PHKB: variants seen among roughly 807,000 people sequenced by gnomAD.
PHKB encodes phosphorylase b kinase regulatory subunit beta.
Under a neutral mutation model 152.1 loss-of-function variants are expected in PHKB, and 122 were observed. That is an observed-to-expected ratio of 0.80 (90% CI 0.69 to 0.93). PHKB has a LOEUF of 0.93. Among genes scored for constraint, PHKB ranks in the 40% least tolerant of loss-of-function variants. PHKB has a pLI of 0.00. For missense variants in PHKB, 1,304 were observed against 1,328.4 expected, an observed-to-expected ratio of 0.98 and a Z score of 0.29; for synonymous variants, 436 against 464.9, an observed-to-expected ratio of 0.94 and a Z score of 0.80.
At chr16:47,621,494 A>G (rs1200015709) in intron 14 of PHKB, among the ~76,000 whole-genome samples, 2 of 152,202 alleles carry the variant, frequency 1.3e-5, no homozygotes, top group African/African-American at 2.4e-5. Flanking sequence ...ATTTAAGGAA[A>G]TCATGCATGT....
chr16:47,592,373 C>A (rs2151699406), intron 10 of PHKB, among the ~76,000 whole-genome samples: 1 of 152,310 alleles, frequency 6.6e-6, no homozygotes, highest in African/African-American at 2.4e-5. Flanking sequence ...CTGGCCTGGC[C>A]CATCTGTTGG....
At chr16:47,466,802 A>C (rs1210984056) in intron 1 of PHKB, among the ~76,000 whole-genome samples, 3 of 152,168 alleles carry the variant, frequency 2.0e-5, no homozygotes, top group Admixed American at 6.5e-5. Context: ...TCAGTTAACT[A>C]ATCTAACCGT....
At chr16:47,473,039 T>C in intron 1 of PHKB, among the ~76,000 whole-genome samples, 1 of 151,352 alleles carries the variant, frequency 6.6e-6, no homozygotes, top group East Asian at 1.9e-4. Flanking sequence ...TTCTAGGATC[T>C]GTGTTTTTTT....
At chr16:47,461,630 C>CGT (rs1278799335) in intron 1 of PHKB, among the ~76,000 whole-genome samples, 1 of 152,232 alleles carries the variant, frequency 6.6e-6, no homozygotes, top group Non-Finnish European at 1.5e-5. Context: ...CTCCACTCTG[C>CGT]GTGTGCCCCC....
intron 26 of PHKB, among the ~76,000 whole-genome samples, chr16:47,678,761 G>A (rs1213226405): frequency 6.6e-6 from 1 of 151,912 alleles, no homozygotes; most frequent in Non-Finnish European, 1.5e-5. Context: ...CTGTGCAGAA[G>A]CTCTTTAGTT....
chr16:47,605,830 T>A (rs1972313459), intron 13 of PHKB, among the ~76,000 whole-genome samples: 1 of 152,192 alleles, frequency 6.6e-6, no homozygotes, highest in South Asian at 2.1e-4. Flanking sequence ...CTGCTATTAT[T>A]TTCACCTATG....
At chr16:47,541,257 T>C (rs552520102) in intron 6 of PHKB, among the ~76,000 whole-genome samples, 1 of 152,304 alleles carries the variant, frequency 6.6e-6, no homozygotes, top group Admixed American at 6.5e-5. Flanking sequence ...TTTGGTTTTC[T>C]GTCCTTGCAA....
At chr16:47,634,140 A>C (rs1044073008) in intron 14 of PHKB, among the ~76,000 whole-genome samples, 2 of 152,206 alleles carry the variant, frequency 1.3e-5, no homozygotes, top group Non-Finnish European at 2.9e-5. Flanking sequence ...CCTAGGAAAT[A>C]GTTATTTTTA....
chr16:47,697,990 AGGTCGTT>A (rs1974179830), intron 29 of PHKB, among the ~76,000 whole-genome samples: 1 of 152,134 alleles, frequency 6.6e-6, no homozygotes. Flanking sequence ...CCTGGGCTCC[AGGTCGTT>A]TGATCCTGAA....
At chr16:47,548,776 G>A (rs193003664) in intron 7 of PHKB, among the ~76,000 whole-genome samples, 39 of 152,182 alleles carry the variant, frequency 2.6e-4, no homozygotes, top group Non-Finnish European at 4.4e-4. Context: ...AACAAGTTAT[G>A]TGACCTTTTT....
chr16:47,596,486 C>T lies in PHKB; in HGVS notation c.1318C>T (p.Leu440=). ...TAGCAACTGTGGCCGTGATGGAAAA[C>T]TGTTTCTTTGGGGACAAGCACTTTA... ...FPSNCGRDGK[L]FLWGQALYII... The change falls in exon 13 of 31, where the codon CTG becomes TTG. Residue 440 remains leucine, a synonymous_variant. Transcript: ENST00000323584. The T allele has an allele frequency of 1.2e-6, 2 of 1,613,916 alleles. No individual in the cohort carries two copies. The highest frequency in any genetic ancestry group is 2.2e-5 in the South Asian group (2 of 91,086).
intron 24 of PHKB, 65 bp from the exon 25 acceptor site, chr16:47,664,820 G>A: frequency 1.0e-6 from 1 of 975,208 alleles, no homozygotes; most frequent in Non-Finnish European, 1.6e-6. Flanking sequence ...GTTATGTTTG[G>A]AAGAACTCCT....
In PHKB at chr16:47,599,099, C is replaced by G. The variant is rs1972175295; in HGVS notation, c.1363+2568C>G. On this transcript the variant is annotated intron_variant, in intron 13 of 30. Coordinates refer to ENST00000323584, the MANE Select transcript of PHKB (RefSeq NM_000293.3). ...TCTGGTTAGAATGTTATTTCCGTCT[C>G]ACTAGCATAATTACAAAGAAGCTTT... is the stretch of plus-strand genomic sequence containing the variant. 7.4e-6 allele frequency: 4 copies of G among 536,996 alleles called. No individual in the cohort carries two copies. The Admixed American group carries it at 1.0e-4, about 14-fold the overall frequency. The allele number at this position is 536,996 out of a possible 1,614,324, so 33.3% of individuals were successfully genotyped here.
intron 6 of PHKB, among the ~76,000 whole-genome samples, chr16:47,541,826 G>C (rs1340400822): frequency 6.6e-6 from 1 of 151,780 alleles, no homozygotes; most frequent in Non-Finnish European, 1.5e-5. Flanking sequence ...CATATCCTTT[G>C]CCCACTTTTT....
At chr16:47,495,163 T>C (rs1408525715) in intron 1 of PHKB, among the ~76,000 whole-genome samples, 3 of 151,984 alleles carry the variant, frequency 2.0e-5, no homozygotes, top group Non-Finnish European at 2.9e-5. Flanking sequence ...TCCTTTTGTT[T>C]ATTTATTGTT....
At chr16:47,468,641 G>A (rs564250851) in intron 1 of PHKB, among the ~76,000 whole-genome samples, 2 of 152,288 alleles carry the variant, frequency 1.3e-5, no homozygotes, top group Admixed American at 6.5e-5. Context: ...CAACAAGATC[G>A]AAACTGTGTC....
chr16:47,570,467 A>G (rs2151687208), intron 7 of PHKB, among the ~76,000 whole-genome samples: 1 of 151,892 alleles, frequency 6.6e-6, no homozygotes, highest in East Asian at 1.9e-4. Flanking sequence ...TGGAGATTTT[A>G]TTTGTTTCTT....
chr16:47,637,936 T>C (rs570489567), intron 14 of PHKB, among the ~76,000 whole-genome samples: 1 of 152,290 alleles, frequency 6.6e-6, no homozygotes, highest in South Asian at 2.1e-4. Context: ...GCCTTCTCCC[T>C]GTGTCCTCAC....
intron 13 of PHKB, among the ~76,000 whole-genome samples, chr16:47,608,990 A>G (rs572639706): frequency 5.9e-5 from 9 of 152,312 alleles, no homozygotes; most frequent in African/African-American, 1.9e-4. Flanking sequence ...CTTGGGGGAA[A>G]GCATTCAGTC....
Sources: gnomAD v4.1 joint callset for allele counts (sites outside exome capture counted in the v4.1 genomes callset) on GRCh38, gnomAD v4.1.1 for gene constraint, MANE v1.5 for transcripts, NCBI Gene and HGNC (gene_info 2026-07-23, HGNC 2026-07-21) for gene names.